WAC: variants seen among roughly 807,000 people sequenced by gnomAD.
WAC encodes the protein WW domain containing adaptor with coiled-coil.
Under a neutral mutation model 79.6 loss-of-function variants are expected in WAC, and 11 were observed. The observed-to-expected ratio is 0.14, with a 90% CI of 0.09 to 0.23. The LOEUF is 0.23. Among genes scored for constraint, WAC ranks in the 10% least tolerant of loss-of-function variants. The pLI, the probability that WAC is intolerant of heterozygous loss-of-function variation, is 1.00. For synonymous variants in WAC, 304 were observed against 276.9 expected (o/e 1.10, Z -0.97); for missense variants, 728 against 773.5 (o/e 0.94, Z 0.70).
In WAC at chr10:28,620,116, T is replaced by TG. The variant is rs1308011598; in HGVS notation, c.*511dup. ...AATATGAAACAACTGTTTCCACACT[T>TG]GCACCTGATCAAGAGCAGTGCTTCT... On this transcript the variant is annotated 3_prime_UTR_variant, in exon 14 of 14. Transcript: ENST00000354911. 2.0e-5 allele frequency: 3 copies of TG among 152,784 alleles called. No individual in the cohort carries two copies. The highest frequency in any genetic ancestry group is 6.5e-5 in the Admixed American group (1 of 15,284). The allele number at this position is 152,784 out of a possible 1,614,324, so 9.5% of individuals were successfully genotyped here.
intron 3 of WAC, among the ~76,000 whole-genome samples, chr10:28,575,853 T>A (rs1044856497): frequency 6.6e-6 from 1 of 152,166 alleles, no homozygotes; most frequent in African/African-American, 2.4e-5. Context: ...TCCTGTCGCA[T>A]AATGTTTCCA....
At chr10:28,547,122 G>T (rs939331801) in intron 3 of WAC, among the ~76,000 whole-genome samples, 1 of 152,054 alleles carries the variant, frequency 6.6e-6, no homozygotes, top group Non-Finnish European at 1.5e-5. Context: ...TATGTCTTTT[G>T]TATCTTTATT....
intron 4 of WAC, among the ~76,000 whole-genome samples, chr10:28,585,675 A>T (rs147455933): frequency 9.7e-4 from 148 of 152,048 alleles, no homozygotes; most frequent in Non-Finnish European, 1.6e-3. Context: ...AAAACAGTCT[A>T]TTACTTTACA....
At chr10:28,541,712 T>C (rs1837063225) in intron 3 of WAC, among the ~76,000 whole-genome samples, 1 of 152,032 alleles carries the variant, frequency 6.6e-6, no homozygotes, top group Non-Finnish European at 1.5e-5. Context: ...TATAAAGTAT[T>C]TAGCCTACTG....
chr10:28,570,570 C>G (rs1031711231), intron 3 of WAC, among the ~76,000 whole-genome samples: 1 of 152,194 alleles, frequency 6.6e-6, no homozygotes, highest in Non-Finnish European at 1.5e-5. Flanking sequence ...ATTGGACTTT[C>G]ATTCATGCAT....
chr10:28,614,642 C>G lies in WAC; in HGVS notation c.1513C>G (p.Gln505Glu). The change falls in exon 11 of 14, where the codon CAA becomes GAA. Residue 505 changes from glutamine (Q) to glutamate (E), a missense_variant. Coordinates refer to ENST00000354911, the MANE Select transcript of WAC (RefSeq NM_016628.5). The part of the protein sequence containing the change: ...TQQPVTADKQ[Q>E]GHEPVSPRSL... ...GCAGCCTGTAACTGCTGACAAGCAGCAAGGTCATGAACCTGTCTCTCCTCG... is the reference window on the plus strand; with the variant it reads ...GCAGCCTGTAACTGCTGACAAGCAGGAAGGTCATGAACCTGTCTCTCCTCG... The G allele has an allele frequency of 6.2e-7, 1 of 1,614,158 alleles. No individual in the cohort carries two copies. The highest frequency in any genetic ancestry group is 1.3e-5 in the African/African-American group (1 of 75,048).
intron 7 of WAC, among the ~76,000 whole-genome samples, chr10:28,596,763 CAGGT>C (rs1307081696): frequency 1.3e-5 from 2 of 152,154 alleles, no homozygotes; most frequent in African/African-American, 2.4e-5. Flanking sequence ...TAAATTGTCA[CAGGT>C]AGATCCATTA....
intron 3 of WAC, among the ~76,000 whole-genome samples, chr10:28,557,773 G>T (rs181487518): frequency 1.3e-5 from 2 of 152,234 alleles, no homozygotes; most frequent in Non-Finnish European, 2.9e-5. Flanking sequence ...TTTGATAGAT[G>T]TTAAGAAAAT....
chr10:28,583,103 C>T (rs957978002), intron 3 of WAC, among the ~76,000 whole-genome samples: 2 of 152,102 alleles, frequency 1.3e-5, no homozygotes, highest in South Asian at 4.1e-4. Context: ...TAAGAAAACC[C>T]AGAAGTTGCT....
intron 3 of WAC, among the ~76,000 whole-genome samples, chr10:28,553,021 A>G (rs1052607501): frequency 6.6e-6 from 1 of 151,990 alleles, no homozygotes; most frequent in Non-Finnish European, 1.5e-5. Context: ...GCTCATGGTA[A>G]CTTTCCCTGC....
chr10:28,573,172 C>G (rs924574082), intron 3 of WAC, among the ~76,000 whole-genome samples: 3 of 151,882 alleles, frequency 2.0e-5, no homozygotes, highest in African/African-American at 7.2e-5. Context: ...GACAGAATCT[C>G]TCCCTATATT....
intron 7 of WAC, among the ~76,000 whole-genome samples, chr10:28,607,174 C>T (rs1478355134): frequency 1.3e-5 from 2 of 152,098 alleles, no homozygotes; most frequent in Non-Finnish European, 2.9e-5. Context: ...TATAATTGTT[C>T]TGCTTTTTGT....
chr10:28,540,844 G>A (rs1351751911), intron 3 of WAC, among the ~76,000 whole-genome samples: 2 of 152,064 alleles, frequency 1.3e-5, no homozygotes, highest in African/African-American at 4.8e-5. Flanking sequence ...TAAGATTGAA[G>A]GAGTAGCAGT....
chr10:28,537,243 G>A (rs905922735), intron 3 of WAC, among the ~76,000 whole-genome samples: 2 of 152,114 alleles, frequency 1.3e-5, no homozygotes, highest in African/African-American at 2.4e-5. Context: ...CAAGTTATTG[G>A]GTTGCAAAAT....
At chr10:28,571,426 A>G (rs953902588) in intron 3 of WAC, among the ~76,000 whole-genome samples, 4 of 152,192 alleles carry the variant, frequency 2.6e-5, no homozygotes, top group Non-Finnish European at 5.9e-5. Flanking sequence ...GTTACATCGC[A>G]GGTACAGTAA....
At chr10:28,551,527 A>G (rs1402030995) in intron 3 of WAC, among the ~76,000 whole-genome samples, 1 of 152,220 alleles carries the variant, frequency 6.6e-6, no homozygotes, top group Non-Finnish European at 1.5e-5. Flanking sequence ...GCCAGGGGCC[A>G]CATAGCAGAT....
At chr10:28,552,902 TA>T (rs1341434371) in intron 3 of WAC, among the ~76,000 whole-genome samples, 1 of 139,044 alleles carries the variant, frequency 7.2e-6, no homozygotes, top group Non-Finnish European at 1.5e-5. Context: ...TTGAATTTGA[TA>T]ATCTCCAAGG....
rs1475589657 is a variant in WAC at position 28,564,822 on chromosome 10, G to A, written c.275-18577G>A. ...AAAATTGATAATGATAATCCCCATT[G>A]TCTCTATTGAGATTTTACTAGATTT... is the stretch of plus-strand genomic sequence containing the variant. On this transcript the variant is annotated intron_variant, in intron 3 of 13. Coordinates refer to ENST00000354911, the MANE Select transcript of WAC (RefSeq NM_016628.5). 3.9e-5 allele frequency among the ~76,000 whole-genome samples: 6 copies of A among 152,154 alleles called. No individual in the cohort carries two copies. In the East Asian group the frequency reaches 1.2e-3, roughly 29 times the overall value.
At chr10:28,571,992 A>C (rs765006089) in intron 3 of WAC, among the ~76,000 whole-genome samples, 1 of 152,192 alleles carries the variant, frequency 6.6e-6, no homozygotes, top group Non-Finnish European at 1.5e-5. Context: ...TAGAATAACT[A>C]CTTAATTTAA....
Sources: allele counts gnomAD v4.1 joint callset (sites outside exome capture counted in the v4.1 genomes callset), GRCh38; gene constraint gnomAD v4.1.1; transcripts MANE v1.5; gene names NCBI Gene and HGNC (gene_info 2026-07-23, HGNC 2026-07-21).